The following EPN3 variants were observed in gnomAD, a reference collection of about 807,000 sequenced individuals.
The protein encoded by EPN3 is epsin-3.
Under a neutral mutation model 55.5 loss-of-function variants are expected in EPN3, and 56 were observed. The observed-to-expected ratio is 1.01, with a 90% CI of 0.81 to 1.26. The LOEUF is 1.26. EPN3 is among the 50% of genes most tolerant of loss of function. The probability of loss-of-function intolerance (pLI) is 0.00; values close to 1 mark genes in which losing one functional copy is unlikely to be tolerated. For synonymous variants in EPN3, 449 were observed against 375.2 expected, an observed-to-expected ratio of 1.20 and a Z score of -2.27; for missense variants, 927 against 853.4, an observed-to-expected ratio of 1.09 and a Z score of -1.07.
chr17:50,536,233 GAAGA>G (rs1410645469), intron 1 of EPN3, 184 bp from the exon 2 acceptor site: 2 of 365,644 alleles, frequency 5.5e-6, no homozygotes, highest in African/African-American at 4.1e-5. Flanking sequence ...GTGTGGCTGT[GAAGA>G]TAGATAGATG....
intron 8 of EPN3, 34 bp downstream of exon 8, chr17:50,541,367 G>T: frequency 6.2e-7 from 1 of 1,608,448 alleles, no homozygotes. Flanking sequence ...AGGCTCTGGG[G>T]AATGAGGGGC....
chr17:50,540,629 G>A (rs1483501550), intron 6 of EPN3, among the ~76,000 whole-genome samples, 164 bp from the exon 7 acceptor site: 1 of 152,232 alleles, frequency 6.6e-6, no homozygotes, highest in East Asian at 1.9e-4. Context: ...AGTTCCTGGG[G>A]TCACTTGTCA....
chr17:50,541,412 G>A, intron 8 of EPN3, 52 bp from the exon 9 acceptor site: 1 of 1,608,166 alleles, frequency 6.2e-7, no homozygotes, highest in South Asian at 1.1e-5. Context: ...TTCCTCCCAC[G>A]TCGGGCGCCA....
intron 4 of EPN3, 44 bp from the exon 5 acceptor site, chr17:50,539,143 G>A (rs768595922): frequency 1.3e-5 from 21 of 1,610,476 alleles, no homozygotes; most frequent in East Asian, 6.7e-5. Flanking sequence ...CCGGATTCCC[G>A]CCTGAGCTGC....
At chr17:50,539,384 G>C in intron 5 of EPN3, 69 bp downstream of exon 5, 11 of 1,603,102 alleles carry the variant, frequency 6.9e-6, no homozygotes, top group Admixed American at 1.7e-5. Flanking sequence ...TGTAAAGAGA[G>C]AGCAGAGCAG....
intron 1 of EPN3, among the ~76,000 whole-genome samples, chr17:50,535,513 T>C (rs1238278151): frequency 2.0e-5 from 3 of 152,202 alleles, no homozygotes; most frequent in Non-Finnish European, 4.4e-5. Flanking sequence ...GCCCAGGTCA[T>C]AGCATTTCTT....
intron 1 of EPN3, among the ~76,000 whole-genome samples, chr17:50,535,531 G>T (rs762844678): frequency 6.6e-6 from 1 of 152,092 alleles, no homozygotes; most frequent in Non-Finnish European, 1.5e-5. Flanking sequence ...CTTCTGAGCC[G>T]CCCTCCCCTG....
chr17:50,536,168 C>G (rs2034757423), intron 1 of EPN3: 1 of 249,784 alleles, frequency 4.0e-6, no homozygotes, highest in African/African-American at 2.2e-5. Flanking sequence ...ATTTAATACT[C>G]TGAGCCCCAC....
At position 50,534,627 on chromosome 17, in the gene EPN3, G is replaced by A. The variant is rs547781309; in HGVS notation, c.-137+1642G>A. On this transcript the variant is annotated intron_variant, in intron 1 of 9. Coordinates refer to ENST00000268933, the MANE Select transcript of EPN3 (RefSeq NM_017957.3). The stretch of plus-strand genomic sequence containing the variant: ...TCCCACAGAAGGCCCACGACCCGCT[G>A]GAAGGAAAGAGATAGCAGACAAAAG... The A allele has an allele frequency of 9.1e-5, 90 of 985,476 alleles. No individual in the cohort carries two copies. The African/African-American group carries it at 1.4e-3, about 15-fold the overall frequency. The allele number at this position is 985,476 out of a possible 1,614,324, so 61.0% of individuals were successfully genotyped here.
chr17:50,539,909 G>A (rs1224331900), intron 5 of EPN3, among the ~76,000 whole-genome samples: 1 of 152,156 alleles, frequency 6.6e-6, no homozygotes, highest in Non-Finnish European at 1.5e-5. Context: ...TGGCCTTCCT[G>A]CCCCTTTCTG....
intron 5 of EPN3, among the ~76,000 whole-genome samples, chr17:50,539,727 G>A (rs1050683694): frequency 6.6e-6 from 1 of 152,206 alleles, no homozygotes; most frequent in Non-Finnish European, 1.5e-5. Context: ...TCGGGCTCAT[G>A]GACATATTTT....
chr17:50,533,211 G>C (rs1380716401), intron 1 of EPN3, among the ~76,000 whole-genome samples: 6 of 152,050 alleles, frequency 3.9e-5, no homozygotes, highest in Non-Finnish European at 8.8e-5. Context: ...AGCATCTTTG[G>C]TGGCATCTTA....
rs1241610379 is a variant in EPN3 at position 50,536,704 on chromosome 17, A to G, written c.148A>G (p.Thr50Ala). 6.2e-7 allele frequency: 1 copy of G among 1,613,944 alleles called. No homozygotes were observed. Among genetic ancestry groups the G allele is most frequent in the Non-Finnish European group, 8.5e-7 (1 of 1,180,022 alleles). ...CGAGATCGCTGACCTGACCTTCAAC[A>G]CAGTGGCCTTCACCGAAGTCATGGG... ...MSEIADLTFN[T>A]VAFTEVMGML... Residue 50 changes from threonine (T) to alanine (A), a missense_variant, in exon 2 of 10, where the codon ACA (threonine) becomes GCA (alanine). Physicochemically the swap from Thr to Ala is moderately conservative, Grantham distance 58. Transcript: ENST00000268933.
Position 50,541,628 on chromosome 17 carries a change from T to G in EPN3, c.1519T>G (p.Leu507Val). 1 of 1,614,172 alleles carries G rather than the reference T, an allele frequency of 6.2e-7. No individual in the cohort carries two copies. Among genetic ancestry groups the G allele is most frequent in the Non-Finnish European group, 8.5e-7 (1 of 1,180,014 alleles). The change falls in exon 9 of 10, where the codon TTG (leucine) becomes GTG (valine). Residue 507 changes from leucine (L) to valine (V), a missense_variant. Coordinates refer to ENST00000268933, the MANE Select transcript of EPN3 (RefSeq NM_017957.3). Reference sequence around the variant, plus strand: ...CTTCCTGGGTCCCTCAGCTTCCTCCTTGGTCAACCTTGACTCGTTGGTCAA... The same window carrying G: ...CTTCCTGGGTCCCTCAGCTTCCTCCGTGGTCAACCTTGACTCGTTGGTCAA... ...ESFLGPSASSLVNLDSLVKAP... is the reference protein window; with the variant it reads ...ESFLGPSASSVVNLDSLVKAP...
chr17:50,539,130 TC>T, intron 4 of EPN3, 56 bp from the exon 5 acceptor site: 1 of 1,605,082 alleles, frequency 6.2e-7, no homozygotes, highest in Non-Finnish European at 8.5e-7. Flanking sequence ...GGTGCACAGG[TC>T]CCCGGATTCC....
chr17:50,542,085 G>C lies in EPN3; in HGVS notation c.1827G>C (p.Pro609=), dbSNP rs576116138. 469 of 1,575,054 alleles carry C rather than the reference G, an allele frequency of 3.0e-4. No individual in the cohort carries two copies. In the African/African-American group the frequency reaches 5.9e-3, roughly 20 times the overall value. ...AGGCCGGAGCCTTCGCACCGCAGCC[G>C]CTGCTGCCCACGCCGAGCTCAGCCG... The part of the protein sequence containing the change: ...FPQAGAFAPQ[P]LLPTPSSAGP... Residue 609 remains proline (P), a synonymous_variant, in exon 10 of 10, where the codon CCG becomes CCC. Coordinates refer to ENST00000268933, the MANE Select transcript of EPN3 (RefSeq NM_017957.3).
At position 50,540,839 on chromosome 17, in the gene EPN3, TG is replaced by T; in HGVS notation, c.1027del (p.Ala343GlnfsTer21). 1 of 1,614,004 alleles carries T rather than the reference TG, an allele frequency of 6.2e-7. No homozygotes were observed. Among genetic ancestry groups the T allele is most frequent in the Non-Finnish European group, 8.5e-7 (1 of 1,179,946 alleles). On this transcript the variant is annotated frameshift_variant, in exon 7 of 10. Coordinates refer to ENST00000268933, the MANE Select transcript of EPN3 (RefSeq NM_017957.3). LOFTEE classifies it high-confidence loss of function. The part of the protein sequence containing the change: ...EASGSSWGPS[A>X]DPWSPIPSGT... ...CCAGTGGATCCTCCTGGGGGCCTTCTGCAGACCCCTGGTCTCCGATCCCCTC... is the reference window on the plus strand; with the variant it reads ...CCAGTGGATCCTCCTGGGGGCCTTCTCAGACCCCTGGTCTCCGATCCCCTC...
intron 8 of EPN3, 64 bp from the exon 9 acceptor site, chr17:50,541,400 T>G: frequency 6.2e-7 from 1 of 1,607,258 alleles, no homozygotes; most frequent in Non-Finnish European, 8.5e-7. Flanking sequence ...GCCTCTGTCC[T>G]CTTCCTCCCA....
rs1277066814 is a variant in EPN3 at position 50,543,345 on chromosome 17, G to C, written c.*1188G>C. On this transcript the variant is annotated 3_prime_UTR_variant, in exon 10 of 10. Transcript: ENST00000268933. ...ATGTGGAGTCTGGGAAACCAAGGGTGGGGTGAGGCCTGGTACTCAATCCAG... is the reference window on the plus strand; with the variant it reads ...ATGTGGAGTCTGGGAAACCAAGGGTCGGGTGAGGCCTGGTACTCAATCCAG... 2 of 152,290 alleles carry C rather than the reference G, an allele frequency of 1.3e-5. No homozygotes were observed. The highest frequency in any genetic ancestry group is 4.8e-5 in the African/African-American group (2 of 41,460). 9.4% of individuals were successfully genotyped at this position (152,290 alleles called of 1,614,324 possible). A position where few individuals can be genotyped will look rare whatever the true frequency, so the allele number is the denominator to read the frequency against.
Sources: gnomAD v4.1 joint callset for allele counts (sites outside exome capture counted in the v4.1 genomes callset) on GRCh38, gnomAD v4.1.1 for gene constraint, MANE v1.5 for transcripts, NCBI Gene and HGNC (gene_info 2026-07-23, HGNC 2026-07-21) for gene names.